FARP1: variants seen among roughly 807,000 people sequenced by gnomAD.
FARP1 encodes the protein FERM, ARH/RhoGEF and pleckstrin domain protein 1, also known as FERM, ARHGEF and pleckstrin domain-containing protein 1.
FARP1 carries 52 observed loss-of-function variants against 128.8 expected under a neutral mutation model. The observed-to-expected ratio is 0.40, with a 90% CI of 0.32 to 0.51. The LOEUF (loss-of-function observed/expected upper bound fraction) is 0.51. FARP1 is among the 20% of genes least tolerant of loss of function. FARP1 has a pLI of 0.45. For synonymous variants in FARP1, 580 were observed against 551.8 expected (o/e 1.05, Z -0.72); for missense variants, 1,333 against 1,367.9 (o/e 0.97, Z 0.40).
chr13:98,353,038 T>G (rs1888499851), intron 3 of FARP1, among the ~76,000 whole-genome samples: 1 of 151,884 alleles, frequency 6.6e-6, no homozygotes, highest in Non-Finnish European at 1.5e-5. Context: ...AATTTGGGGG[T>G]GGGGGCACCA....
intron 18 of FARP1, chr13:98,434,433 A>G (rs906314269): frequency 2.6e-5 from 4 of 152,248 alleles, no homozygotes; most frequent in African/African-American, 9.6e-5. Context: ...GGGAAAAAAC[A>G]AGAAAACTAA....
intron 12 of FARP1, among the ~76,000 whole-genome samples, chr13:98,394,774 A>G (rs2761370): frequency 0.23 from 35,102 of 151,852 alleles, 4,935 homozygotes; most frequent in African/African-American, 0.39. Flanking sequence ...ATCTCTACAA[A>G]AAAAATTTTT....
chr13:98,376,798 T>C (rs1318659400), intron 5 of FARP1, among the ~76,000 whole-genome samples: 2 of 150,702 alleles, frequency 1.3e-5, no homozygotes, highest in African/African-American at 2.4e-5. Flanking sequence ...CAAGCATTTG[T>C]TACTGCCTAT....
At position 98,454,264 on chromosome 13, in the gene FARP1, C is replaced by T. The variant is rs1271137884; in HGVS notation, c.*5947C>T. 12 of 152,172 alleles carry T rather than the reference C, an allele frequency of 7.9e-5. No homozygotes were observed. The East Asian group carries it at 2.3e-3, about 29-fold the overall frequency. 9.4% of individuals were successfully genotyped at this position (152,172 alleles called of 1,614,324 possible). On this transcript the variant is annotated 3_prime_UTR_variant, in exon 27 of 27. Transcript: ENST00000319562. ...GATCATGGGTAATTTCTGTGTCTTC[C>T]AAAAATTCTACAAGATTGTCTTCAG... is the stretch of plus-strand genomic sequence containing the variant.
intron 23 of FARP1, 105 bp downstream of exon 23, chr13:98,440,340 G>A: frequency 2.5e-6 from 2 of 816,038 alleles, no homozygotes; most frequent in Non-Finnish European, 4.2e-6. Flanking sequence ...CATCCGTGGT[G>A]TACATTTGTG....
At chr13:98,299,681 G>A (rs940774111) in intron 2 of FARP1, among the ~76,000 whole-genome samples, 1 of 152,260 alleles carries the variant, frequency 6.6e-6, no homozygotes. Context: ...CCATCCTTCT[G>A]CAGCCTTAGG....
intron 3 of FARP1, 52 bp downstream of exon 3, chr13:98,343,918 G>T: frequency 5.7e-6 from 7 of 1,224,524 alleles, no homozygotes; most frequent in Non-Finnish European, 8.4e-6. Context: ...CATCTTGGTG[G>T]GGGGCTGGGC....
At chr13:98,219,813 G>A (rs1280775944) in intron 2 of FARP1, among the ~76,000 whole-genome samples, 1 of 151,972 alleles carries the variant, frequency 6.6e-6, no homozygotes, top group Non-Finnish European at 1.5e-5. Context: ...CTACAGGCAC[G>A]CATCACCACA....
At chr13:98,310,123 C>G (rs534746476) in intron 2 of FARP1, among the ~76,000 whole-genome samples, 3 of 150,076 alleles carry the variant, frequency 2.0e-5, no homozygotes, top group Non-Finnish European at 1.5e-5. Context: ...AAGATAATCT[C>G]GATGGCCTTC....
At chr13:98,187,729 G>C (rs1186642646) in intron 1 of FARP1, among the ~76,000 whole-genome samples, 2 of 152,198 alleles carry the variant, frequency 1.3e-5, no homozygotes, top group Non-Finnish European at 2.9e-5. Context: ...TATGGAGCTG[G>C]AGACTATAGC....
At chr13:98,435,943 G>T (rs1273356144) in intron 19 of FARP1, 2 of 589,112 alleles carry the variant, frequency 3.4e-6, no homozygotes, top group Non-Finnish European at 6.6e-6. Context: ...GGGGTGATTC[G>T]CTTCTTTACC....
rs146045655 is a variant in FARP1 at position 98,435,659 on chromosome 13, C to T, written c.2227C>T (p.Leu743Phe). Residue 743 changes from leucine (L) to phenylalanine (F), a missense_variant, in exon 19 of 27, where the codon CTC (leucine) becomes TTC (phenylalanine). By Grantham distance (22) the Leu-to-Phe change is conservative. Around this residue, in one of 2 missense-constraint regions of FARP1, gnomAD observed 1,009 missense variants for 969.8 expected, o/e 1.04. Transcript: ENST00000319562. ...GGAGAATTTCCAGAAGCTGCACGAA[C>T]TCAAGAAAGATTTGATTGGCATTGA... Reference protein sequence around the residue: ...KMENFQKLHELKKDLIGIDNL... With the variant: ...KMENFQKLHEFKKDLIGIDNL... 3 of 1,614,148 alleles carry T rather than the reference C, an allele frequency of 1.9e-6. No homozygotes were observed. Among genetic ancestry groups the T allele is most frequent in the African/African-American group, 2.7e-5 (2 of 75,060 alleles).
At chr13:98,213,558 C>T (rs1594278688) in intron 2 of FARP1, 145 bp downstream of exon 2, 2 of 782,986 alleles carry the variant, frequency 2.6e-6, no homozygotes, top group East Asian at 2.7e-5. Context: ...CCCCCAATGG[C>T]CCCGCTGACC....
intron 2 of FARP1, among the ~76,000 whole-genome samples, chr13:98,269,587 G>T (rs923956533): frequency 6.6e-6 from 1 of 152,244 alleles, no homozygotes; most frequent in Non-Finnish European, 1.5e-5. Context: ...TGAGGGGCCT[G>T]TCAGGCCCAG....
intron 2 of FARP1, among the ~76,000 whole-genome samples, chr13:98,242,149 C>T (rs1882806337): frequency 6.6e-6 from 1 of 152,090 alleles, no homozygotes; most frequent in Non-Finnish European, 1.5e-5. Context: ...TAAACACAAC[C>T]TATGTTTAGA....
Position 98,450,878 on chromosome 13 carries a change from G to C in FARP1, c.*2561G>C, listed in dbSNP as rs1287199764. On this transcript the variant is annotated 3_prime_UTR_variant, in exon 27 of 27. Transcript: ENST00000319562. ...TTGGGGCTGATTTTGTGCGTCTACA[G>C]AAAGTAACAGCCCAGGAGAGAATGT... 6.6e-6 allele frequency: 1 copy of C among 152,206 alleles called. No homozygotes were observed. The highest frequency in any genetic ancestry group is 2.4e-5 in the African/African-American group (1 of 41,442). 9.4% of individuals were successfully genotyped at this position (152,206 alleles called of 1,614,324 possible).
intron 3 of FARP1, among the ~76,000 whole-genome samples, chr13:98,352,089 A>G (rs1216533271): frequency 6.6e-6 from 1 of 152,190 alleles, no homozygotes; most frequent in Non-Finnish European, 1.5e-5. Flanking sequence ...GGCCGTACAT[A>G]AAGACAGCTA....
rs200610366 is a variant in FARP1, at chr13:98,279,890, GC to G, written c.172-63865del. ...ACTTGTGGCCCCGGTACCAGGCGAC[GC>G]CCCCCCTCTGTCTTCCGGGTCTCCC... On this transcript the variant is annotated intron_variant, in intron 2 of 26. Transcript: ENST00000319562. Among the ~76,000 whole-genome samples the G allele has an allele frequency of 5.4e-3, 818 of 152,064 alleles. 24 individuals carry two copies. Among genetic ancestry groups the G allele is most frequent in the Admixed American group, 0.05 (759 of 15,256 alleles).
At chr13:98,446,430 G>A (rs1892839497) in intron 25 of FARP1, 1 of 603,180 alleles carries the variant, frequency 1.7e-6, no homozygotes, top group Non-Finnish European at 2.9e-6. Context: ...AGGGCCACCT[G>A]TCTTCTGCCT....
Sources: gnomAD v4.1 joint callset for allele counts (sites outside exome capture counted in the v4.1 genomes callset) on GRCh38, gnomAD v4.1.1 for gene constraint, gnomAD v4.1.1 regional missense constraint, MANE v1.5 for transcripts, NCBI Gene and HGNC (gene_info 2026-07-23, HGNC 2026-07-21) for gene names.